The following FER1L5 variants were observed in gnomAD, a reference collection of about 807,000 sequenced individuals.
The protein encoded by FER1L5 is fer-1 like family member 5, also known as fer-1-like protein 5.
A neutral mutation model predicts 279.9 loss-of-function variants in FER1L5; 187 were observed. The observed-to-expected ratio is 0.67, with a 90% CI of 0.59 to 0.75. FER1L5 has a LOEUF of 0.75. FER1L5 is among the 30% of genes least tolerant of loss of function. FER1L5 has a pLI of 0.00. For missense variants in FER1L5, 2,091 were observed against 2,594.4 expected, an observed-to-expected ratio of 0.81 and a Z score of 4.21; for synonymous variants, 921 against 989.7, an observed-to-expected ratio of 0.93 and a Z score of 1.30.
rs1323139372 is a variant in FER1L5, at chr2:96,690,605, A to AG, written c.2743+19dup. On this transcript the variant is annotated intron_variant, in intron 27 of 52. Coordinates refer to ENST00000624922, the MANE Select transcript of FER1L5 (RefSeq NM_001293083.2). ...GACAGTAAGGGTCAGTCGTTTGGTC[A>AG]GGGTTGGGATCGGGAGAGACCAGGG... is the stretch of plus-strand genomic sequence containing the variant. The AG allele has an allele frequency of 1.2e-5, 18 of 1,549,842 alleles. No individual in the cohort carries two copies. In the East Asian group the frequency reaches 3.9e-4, roughly 34 times the overall value.
Position 96,661,735 on chromosome 2 carries a change from C to A in FER1L5, c.962C>A (p.Pro321Gln). 1 of 1,551,688 alleles carries A rather than the reference C, an allele frequency of 6.4e-7. No individual in the cohort carries two copies. The highest frequency in any genetic ancestry group is 8.7e-7 in the Non-Finnish European group (1 of 1,147,002). ...DIQIFKSAVV[P>Q]INMAYLQLFI... ...CAGATCTTCAAGTCAGCGGTAGTCC[C>A]GATCAACATGGCTTACTTACAGCTC... Residue 321 changes from proline to glutamine, a missense_variant, in exon 12 of 53, where the codon CCG becomes CAG. Transcript: ENST00000624922.
chr2:96,702,496 A>C lies in FER1L5; in HGVS notation c.5255+95A>C, dbSNP rs1043235062. 26 of 1,550,358 alleles carry C rather than the reference A, an allele frequency of 1.7e-5. No individual in the cohort carries two copies. Among genetic ancestry groups the C allele is most frequent in the Non-Finnish European group, 2.2e-5 (25 of 1,146,666 alleles). ...CCAGTCCTGAATGGGACACCTCTCC[A>C]TCCAGCTCTGCCTGGCGTCGGCTGG... On this transcript the variant is annotated intron_variant, in intron 47 of 52. Transcript: ENST00000624922. The surrounding 1 kb of genome is among the most constrained non-coding windows in gnomAD (Gnocchi z 4.0).
rs1257720434 is a variant in FER1L5 at position 96,691,618 on chromosome 2, G to C, written c.3075+6G>C. 1.3e-6 allele frequency: 2 copies of C among 1,514,898 alleles called. No homozygotes were observed. Among genetic ancestry groups the C allele is most frequent in the Non-Finnish European group, 8.9e-7 (1 of 1,128,192 alleles). 93.8% of individuals were successfully genotyped at this position (1,514,898 alleles called of 1,614,324 possible). A position where few individuals can be genotyped will look rare whatever the true frequency, so the allele number is the denominator to read the frequency against. On this transcript the variant is annotated splice_donor_region_variant and intron_variant, in intron 29 of 52. Coordinates refer to ENST00000624922, the MANE Select transcript of FER1L5 (RefSeq NM_001293083.2). This position sits in a 1 kb window ranked among gnomAD's most constrained non-coding sequence, Gnocchi z 6.0. Reference sequence around the variant, plus strand: ...TCCTCCTGGAGGGGTCCTTGGTAAAGCCTCACAGGCTGGGTGATGCCTGCC... The same window carrying C: ...TCCTCCTGGAGGGGTCCTTGGTAAACCCTCACAGGCTGGGTGATGCCTGCC...
At chr2:96,652,617 G>A (rs550700833) in intron 7 of FER1L5, 3 of 157,904 alleles carry the variant, frequency 1.9e-5, no homozygotes, top group South Asian at 3.7e-4. Context: ...CAAGCAAGCC[G>A]CAGACTTGAC....
At chr2:96,675,052 C>G (rs1318324878) in intron 19 of FER1L5, among the ~76,000 whole-genome samples, 2 of 152,140 alleles carry the variant, frequency 1.3e-5, no homozygotes, top group Non-Finnish European at 1.5e-5. Context: ...TAAATGGACT[C>G]TTTCGGTCTG....
chr2:96,677,251 T>A (rs994318969), intron 19 of FER1L5, among the ~76,000 whole-genome samples: 3 of 152,218 alleles, frequency 2.0e-5, no homozygotes, highest in African/African-American at 7.2e-5. Flanking sequence ...AATGATGTAA[T>A]TTACATACCA....
chr2:96,700,176 G>A, intron 44 of FER1L5, 96 bp downstream of exon 44: 1 of 1,562,366 alleles, frequency 6.4e-7, no homozygotes, highest in South Asian at 1.2e-5. Flanking sequence ...GGGGAGAAAG[G>A]GGAGGACAAG....
At chr2:96,672,146 T>C (rs2076350590) in intron 18 of FER1L5, among the ~76,000 whole-genome samples, 1 of 152,168 alleles carries the variant, frequency 6.6e-6, no homozygotes, top group Non-Finnish European at 1.5e-5. Flanking sequence ...TGGGGCGATC[T>C]CAGCTCACCA....
intron 18 of FER1L5, among the ~76,000 whole-genome samples, chr2:96,671,755 T>C (rs1051333728): frequency 6.6e-6 from 1 of 152,158 alleles, no homozygotes; most frequent in Non-Finnish European, 1.5e-5. Context: ...GCAGAAGCGG[T>C]TGGACAGGAG....
Position 96,699,681 on chromosome 2 carries a change from G to T in FER1L5, c.4742G>T (p.Gly1581Val). The T allele has an allele frequency of 1.2e-6, 2 of 1,614,016 alleles. No homozygotes were observed. Among genetic ancestry groups the T allele is most frequent in the South Asian group, 1.1e-5 (1 of 91,086 alleles). ...VIDLENRLLS[G>V]FGAHCGLSKS... ...GACCTTGAAAACCGACTCCTATCTG[G>T]CTTTGGAGCTCATTGTGGGCTCTCC... Residue 1581 changes from glycine to valine, a missense_variant, in exon 43 of 53, where the codon GGC becomes GTC. Gly to Val is a moderately radical substitution (Grantham distance 109). Transcript: ENST00000624922.
Position 96,691,567 on chromosome 2 carries a change from C to T in FER1L5, c.3030C>T (p.Asn1010=), listed in dbSNP as rs776067520. 3 of 1,548,210 alleles carry T rather than the reference C, an allele frequency of 1.9e-6. No individual in the cohort carries two copies. Among genetic ancestry groups the T allele is most frequent in the East Asian group, 4.9e-5 (2 of 40,912 alleles). The change falls in exon 29 of 53, where the codon AAC becomes AAT. Residue 1010 remains asparagine, a synonymous_variant. Coordinates refer to ENST00000624922, the MANE Select transcript of FER1L5 (RefSeq NM_001293083.2). The surrounding 1 kb of genome is among the most constrained non-coding windows in gnomAD (Gnocchi z 6.0). ...RRCWRRRLAP[N]KDKGIAPIFL... is the part of the protein sequence containing the mutation. The stretch of plus-strand genomic sequence containing the variant: ...GCTGGCGCCGCAGGCTGGCCCCCAA[C>T]AAGGACAAGGGCATCGCGCCCATAT...
chr2:96,703,240 A>G lies in FER1L5; in HGVS notation c.5585A>G (p.Lys1862Arg), dbSNP rs369825532. Residue 1862 changes from lysine to arginine, a missense_variant, in exon 50 of 53, where the codon AAG (lysine) becomes AGG (arginine). Transcript: ENST00000624922. ...CSIRMMDADP[K>R]WPYFIQYKHF... is the part of the protein sequence containing the mutation. ...ATCAGGATGATGGACGCCGACCCCA[A>G]GTGGCCCTATTTCATCCAATACAAG... The G allele has an allele frequency of 2.5e-6, 4 of 1,613,924 alleles. No individual in the cohort carries two copies. Among genetic ancestry groups the G allele is most frequent in the Non-Finnish European group, 3.4e-6 (4 of 1,179,870 alleles).
At chr2:96,646,181 G>A (rs2075120153) in intron 1 of FER1L5, among the ~76,000 whole-genome samples, 1 of 151,980 alleles carries the variant, frequency 6.6e-6, no homozygotes, top group African/African-American at 2.4e-5. Context: ...TGTATTTTTA[G>A]TAGAGATGGG....
chr2:96,693,876 A>G (rs574417988), intron 32 of FER1L5, 35 bp from the exon 33 acceptor site: 2 of 1,516,540 alleles, frequency 1.3e-6, no homozygotes, highest in East Asian at 2.5e-5. Flanking sequence ...CCCTGCCAGC[A>G]TGGCCTCCAT....
intron 10 of FER1L5, 78 bp downstream of exon 10, chr2:96,660,449 T>C (rs2075912798): frequency 6.0e-6 from 8 of 1,331,862 alleles, no homozygotes; most frequent in Non-Finnish European, 8.4e-6. Flanking sequence ...AAAATCCCCA[T>C]ATGTCCAACA....
intron 31 of FER1L5, among the ~76,000 whole-genome samples, chr2:96,693,172 C>CT (rs1558916744): frequency 6.7e-6 from 1 of 148,316 alleles, no homozygotes; most frequent in Non-Finnish European, 1.5e-5. Context: ...GAAACTCTGA[C>CT]TCAAAAAAAA....
At chr2:96,651,283 C>CTTTCT (rs2075363463) in intron 6 of FER1L5, among the ~76,000 whole-genome samples, 1 of 144,382 alleles carries the variant, frequency 6.9e-6, no homozygotes, top group Non-Finnish European at 1.5e-5. Context: ...TTCTTTCTTT[C>CTTTCT]TTTCTTTCTT....
intron 2 of FER1L5, 76 bp from the exon 3 acceptor site, chr2:96,646,988 C>CG: frequency 7.0e-7 from 1 of 1,438,116 alleles, no homozygotes; most frequent in Non-Finnish European, 9.5e-7. Context: ...CCGTTCCCCA[C>CG]GTCTTTCCTC....
chr2:96,669,015 C>T (rs748358955), intron 16 of FER1L5, 28 bp from the exon 17 acceptor site: 39 of 1,551,670 alleles, frequency 2.5e-5, no homozygotes, highest in South Asian at 2.4e-4. Flanking sequence ...GTCCTGCGCC[C>T]GACCCTTCTC....
Sources: gnomAD v4.1 joint callset for allele counts (sites outside exome capture counted in the v4.1 genomes callset) on GRCh38, gnomAD v4.1.1 for gene constraint, Gnocchi (gnomAD v3.1) non-coding constraint, MANE v1.5 for transcripts, NCBI Gene and HGNC (gene_info 2026-07-23, HGNC 2026-07-21) for gene names.